Variants in DNAH12 observed in about 807,000 individuals in gnomAD.
DNAH12 encodes dynein axonemal heavy chain 12.
A neutral mutation model predicts 371.5 loss-of-function variants in DNAH12; 285 were observed. The ratio of observed to expected loss-of-function variants is 0.77; its 90% CI spans 0.70 to 0.85. DNAH12 has a LOEUF of 0.85. Ranked by LOEUF, DNAH12 falls within the 40% of genes least tolerant of loss-of-function variation. The probability of loss-of-function intolerance (pLI) is 0.00; values close to 1 mark genes in which losing one functional copy is unlikely to be tolerated. For missense variants in DNAH12, 3,611 were observed against 3,689.4 expected (o/e 0.98, Z 0.55); for synonymous variants, 1,200 against 1,213.0 (o/e 0.99, Z 0.22).
chr3:57,299,004 C>T (rs1318550381), intron 70 of DNAH12, among the ~76,000 whole-genome samples: 1 of 152,180 alleles, frequency 6.6e-6, no homozygotes, highest in Non-Finnish European at 1.5e-5. Flanking sequence ...AGGCAATACA[C>T]TCTGGGAAGA....
chr3:57,361,471 T>TATATATATATATATATATATATATA (rs2062934544), intron 58 of DNAH12, among the ~76,000 whole-genome samples: 2 of 141,826 alleles, frequency 1.4e-5, no homozygotes, highest in African/African-American at 5.7e-5. Flanking sequence ...TATATATATA[T>TATATATATATATATATATATATATA]CTCATTCAGC....
At chr3:57,402,242 T>C in intron 43 of DNAH12, 1 of 492,524 alleles carries the variant, frequency 2.0e-6, no homozygotes, top group South Asian at 2.3e-5. Flanking sequence ...TTCTCTATGC[T>C]AAATTTTAGG....
intron 22 of DNAH12, 69 bp downstream of exon 22, chr3:57,457,652 G>T: frequency 2.1e-6 from 3 of 1,431,558 alleles, no homozygotes; most frequent in South Asian, 3.1e-5. Context: ...TTAATTTACT[G>T]GTTTCCAAAA....
intron 70 of DNAH12, 39 bp downstream of exon 70, chr3:57,301,696 A>G (rs768228450): frequency 2.1e-5 from 30 of 1,405,034 alleles, no homozygotes; most frequent in Non-Finnish European, 2.8e-5. Context: ...ACACACACAC[A>G]CACACACACA....
Position 57,394,275 on chromosome 3 carries a change from T to C in DNAH12, c.7006A>G (p.Thr2336Ala), listed in dbSNP as rs1310533278. ...GQKTVFLITD[T>A]QIKEEAFLED... ...AGGAAAGCTTCCTCTTTAATCTGAG[T>C]GTCCGTGATAAGAAAGACGGTCTTC... Residue 2336 changes from threonine (T) to alanine (A), a missense_variant, in exon 44 of 74, where the codon ACT becomes GCT. Transcript: ENST00000495027. The C allele has an allele frequency of 6.6e-5, 10 of 152,206 alleles. No homozygotes were observed. The highest frequency in any genetic ancestry group is 1.0e-4 in the Non-Finnish European group (7 of 68,048). The allele number at this position is 152,206 out of a possible 1,614,324, so 9.4% of individuals were successfully genotyped here.
chr3:57,499,665 T>TAC (rs1412893417), intron 11 of DNAH12, among the ~76,000 whole-genome samples: 1 of 51,176 alleles, frequency 2.0e-5, no homozygotes, highest in East Asian at 3.3e-4. Context: ...TATATATATA[T>TAC]ATATATATAT....
chr3:57,327,874 G>A (rs1412753669), intron 62 of DNAH12, among the ~76,000 whole-genome samples: 1 of 152,092 alleles, frequency 6.6e-6, no homozygotes, highest in Non-Finnish European at 1.5e-5. Flanking sequence ...AATGATAAAG[G>A]GGATATCACC....
intron 4 of DNAH12, among the ~76,000 whole-genome samples, chr3:57,513,168 C>CATGGAATACT (rs2068061190): frequency 6.6e-6 from 1 of 151,786 alleles, no homozygotes. Context: ...ACATATACAC[C>CATGGAATACT]ATGGAATACT....
chr3:57,310,583 C>T, intron 67 of DNAH12, 134 bp downstream of exon 67: 1 of 694,454 alleles, frequency 1.4e-6, no homozygotes, highest in Non-Finnish European at 2.4e-6. Flanking sequence ...TCAGTAATTA[C>T]TAGAAAAAGA....
chr3:57,520,383 G>A lies in DNAH12; in HGVS notation c.279+3200C>T, dbSNP rs543101180. On this transcript the variant is annotated intron_variant, in intron 4 of 73. Transcript: ENST00000495027. ...TTGGATTACAGGCATGAGCCACTGC[G>A]CCTGACCGTTTTTACCCATTTTCTT... Among the ~76,000 whole-genome samples, 3 of 150,672 alleles carry A rather than the reference G, an allele frequency of 2.0e-5. No homozygotes were observed. In the South Asian group the frequency reaches 6.3e-4, roughly 32 times the overall value.
Position 57,461,614 on chromosome 3 carries a change from G to GATAC in DNAH12, c.2607_2610dup (p.Arg871ValfsTer3). ...GAAAGAATACAGACTCCAGTGTCAC[G>GATAC]ATACAGACTTATATGAAAAGCAATA... On this transcript the variant is annotated frameshift_variant, in exon 19 of 74. Coordinates refer to ENST00000495027, the MANE Select transcript of DNAH12 (RefSeq NM_001366028.2). LOFTEE classifies it high-confidence loss of function. The GATAC allele has an allele frequency of 6.4e-7, 1 of 1,551,156 alleles. No individual in the cohort carries two copies.
chr3:57,549,649 G>A, the DNAH12 span, among the ~76,000 whole-genome samples: 2 of 151,690 alleles, frequency 1.3e-5, no homozygotes, highest in Non-Finnish European at 2.9e-5. Flanking sequence ...TTTGAGACAG[G>A]GTCTGGCTCT....
rs2153359776 is a variant in DNAH12, at chr3:57,419,421, G to A, written c.5660C>T (p.Thr1887Met). ...QIKIQDIIVP[T>M]MDTIRYTFLM... ...AAACGTATATCTAATTGTGTCCATC[G>A]TAGGGACTATGATATCTTGAATCTT... Residue 1887 changes from threonine (T) to methionine (M), a missense_variant, in exon 37 of 74, where the codon ACG (threonine) becomes ATG (methionine). Thr to Met is a moderately conservative substitution (Grantham distance 81). Transcript: ENST00000495027. 4.0e-6 allele frequency: 6 copies of A among 1,510,956 alleles called. No individual in the cohort carries two copies. The highest frequency in any genetic ancestry group is 1.4e-5 in the African/African-American group (1 of 70,380). The allele number at this position is 1,510,956 out of a possible 1,614,324, so 93.6% of individuals were successfully genotyped here. A position where few individuals can be genotyped will look rare whatever the true frequency, so the allele number is the denominator to read the frequency against.
rs1553662045 is a variant in DNAH12, at chr3:57,354,551, A to AAG, written c.9534-2327_9534-2326insCT. Reference sequence around the variant, plus strand: ...TGTCTTGTTTGCTAAAAAAAAAAAGAAAAAAAAAAAGAAAAAAAATCTAAA... The same window carrying AAG: ...TGTCTTGTTTGCTAAAAAAAAAAAGAAGAAAAAAAAAAGAAAAAAAATCTAAA... On this transcript the variant is annotated intron_variant, in intron 59 of 73. Transcript: ENST00000495027. 2.9e-3 allele frequency among the ~76,000 whole-genome samples: 408 copies of AAG among 139,500 alleles called. 5 individuals carry two copies. Among genetic ancestry groups the AAG allele is most frequent in the South Asian group, 4.2e-3 (19 of 4,478 alleles). The allele number at this position is 139,500 out of a possible 152,430, so 91.5% of individuals were successfully genotyped here.
chr3:57,418,421 T>G (rs1449640660), intron 37 of DNAH12, among the ~76,000 whole-genome samples: 1 of 139,156 alleles, frequency 7.2e-6, no homozygotes, highest in African/African-American at 2.7e-5. Flanking sequence ...ATGCTTGTAG[T>G]CCCAGCTACT....
intron 38 of DNAH12, among the ~76,000 whole-genome samples, chr3:57,414,684 A>C (rs975682484): frequency 1.3e-5 from 2 of 152,332 alleles, no homozygotes; most frequent in Non-Finnish European, 2.9e-5. Flanking sequence ...TAGCTAAAAT[A>C]AATGTGGATG....
intron 12 of DNAH12, among the ~76,000 whole-genome samples, chr3:57,484,544 C>T (rs1018729753): frequency 2.6e-5 from 4 of 152,038 alleles, no homozygotes; most frequent in Admixed American, 6.6e-5. Context: ...CTCCTCAAGA[C>T]GGATCAAAGA....
rs892910481 is a variant in DNAH12, at chr3:57,309,351, A to T, written c.11086-97T>A. ...AATAATAGCTAATACTAGGGTGTATATGTACATTAGCTCATAACGTACAGT... is the reference window on the plus strand; with the variant it reads ...AATAATAGCTAATACTAGGGTGTATTTGTACATTAGCTCATAACGTACAGT... On this transcript the variant is annotated intron_variant, in intron 68 of 73. Transcript: ENST00000495027. 2.0e-5 allele frequency: 19 copies of T among 966,718 alleles called. No homozygotes were observed. The Admixed American group carries it at 2.4e-4, about 12-fold the overall frequency. The allele number at this position is 966,718 out of a possible 1,614,324, so 59.9% of individuals were successfully genotyped here. A position where few individuals can be genotyped will look rare whatever the true frequency, so the allele number is the denominator to read the frequency against.
intron 69 of DNAH12, among the ~76,000 whole-genome samples, chr3:57,302,567 A>ATATATATATATTTTTTT (rs2061380979): frequency 1.1e-4 from 3 of 27,480 alleles, no homozygotes; most frequent in Non-Finnish European, 1.9e-4. Flanking sequence ...ATATATATGT[A>ATATATATATATTTTTTT]TTTTTTTTTT....
Sources: gnomAD v4.1 joint callset for allele counts (sites outside exome capture counted in the v4.1 genomes callset) on GRCh38, gnomAD v4.1.1 for gene constraint, MANE v1.5 for transcripts, NCBI Gene and HGNC (gene_info 2026-07-23, HGNC 2026-07-21) for gene names.